Variants in IGF1 observed in about 807,000 individuals in gnomAD.
The protein encoded by IGF1 is insulin-like growth factor 1.
IGF1 carries 4 observed loss-of-function variants against 13.8 expected under a neutral mutation model. That is an observed-to-expected ratio of 0.29 (90% CI 0.14 to 0.66). IGF1 has a LOEUF of 0.66. IGF1 is among the 30% of genes least tolerant of loss of function. The pLI is 0.78. For synonymous variants in IGF1, 76 were observed against 72.6 expected (o/e 1.05, Z -0.23); for missense variants, 124 against 188.5 (o/e 0.66, Z 2.00).
intron 2 of IGF1, among the ~76,000 whole-genome samples, chr12:102,471,786 C>A (rs1348872793): frequency 6.6e-6 from 1 of 151,950 alleles, no homozygotes; most frequent in Non-Finnish European, 1.5e-5. Flanking sequence ...CCCAGAAACT[C>A]TCTTTCTTTC....
At chr12:102,420,837 C>T (rs1036861349) in intron 2 of IGF1, among the ~76,000 whole-genome samples, 4 of 152,142 alleles carry the variant, frequency 2.6e-5, no homozygotes, top group African/African-American at 9.7e-5. Context: ...TTATAAATCA[C>T]GGGCACAGAA....
intron 2 of IGF1, among the ~76,000 whole-genome samples, chr12:102,447,982 G>A (rs943799548): frequency 7.9e-5 from 12 of 152,060 alleles, no homozygotes; most frequent in African/African-American, 2.9e-4. Context: ...AGAGTGAACA[G>A]GCAACCTACA....
chr12:102,459,626 AC>A (rs1231093272), intron 2 of IGF1, among the ~76,000 whole-genome samples: 1 of 152,140 alleles, frequency 6.6e-6, no homozygotes, highest in Non-Finnish European at 1.5e-5. Context: ...TTGGCTGGGA[AC>A]CTGGCCTTTC....
intron 3 of IGF1, among the ~76,000 whole-genome samples, chr12:102,409,210 A>G (rs1227187841): frequency 2.6e-5 from 4 of 152,206 alleles, no homozygotes; most frequent in Non-Finnish European, 5.9e-5. Context: ...TACTGTTTAG[A>G]AAAACCTTGA....
intron 3 of IGF1, among the ~76,000 whole-genome samples, chr12:102,412,390 GCA>G (rs545047218): frequency 1.3e-5 from 2 of 151,480 alleles, no homozygotes; most frequent in Non-Finnish European, 2.9e-5. Flanking sequence ...ACACAAAGGT[GCA>G]CACACACACA....
intron 2 of IGF1, among the ~76,000 whole-genome samples, chr12:102,436,127 A>G (rs1001886638): frequency 1.3e-5 from 2 of 152,200 alleles, no homozygotes; most frequent in African/African-American, 4.8e-5. Flanking sequence ...ACAGAAGGAA[A>G]AAATATTATA....
chr12:102,478,026 G>A (rs1369041473), intron 1 of IGF1, among the ~76,000 whole-genome samples: 2 of 111,088 alleles, frequency 1.8e-5, no homozygotes, highest in Non-Finnish European at 3.6e-5. Context: ...GAGTTATATT[G>A]TCAGATAAAT....
intron 3 of IGF1, among the ~76,000 whole-genome samples, chr12:102,404,522 A>C (rs2057733177): frequency 1.3e-5 from 2 of 152,294 alleles, no homozygotes; most frequent in South Asian, 4.1e-4. Context: ...GACTGAGTAG[A>C]AGGAAGATGG....
upstream of IGF1, among the ~76,000 whole-genome samples, chr12:102,481,118 G>A (rs902303545): frequency 1.3e-5 from 2 of 152,104 alleles, no homozygotes; most frequent in African/African-American, 4.8e-5. Context: ...ACCTATGGAG[G>A]GGCAGGCAGC....
At chr12:102,420,438 G>A (rs540847675) in intron 2 of IGF1, among the ~76,000 whole-genome samples, 1 of 152,286 alleles carries the variant, frequency 6.6e-6, no homozygotes, top group South Asian at 2.1e-4. Flanking sequence ...ATGAAATCAA[G>A]TATGAATAAT....
intron 2 of IGF1, among the ~76,000 whole-genome samples, 164 bp from the exon 3 acceptor site, chr12:102,419,854 C>T (rs2072592): frequency 0.032 from 4,878 of 152,264 alleles, 299 homozygotes; most frequent in East Asian, 0.27. Flanking sequence ...ACGTATCTTT[C>T]TGAATGCCAG....
rs370820999 is a variant in IGF1 at position 102,407,284 on chromosome 12, G to A, written c.403-4718C>T. Among the ~76,000 whole-genome samples, 209 of 152,250 alleles carry A rather than the reference G, an allele frequency of 1.4e-3. 1 individual carries two copies. Among genetic ancestry groups the A allele is most frequent in the African/African-American group, 4.8e-3 (200 of 41,530 alleles). On this transcript the variant is annotated intron_variant, in intron 3 of 3. Coordinates refer to ENST00000337514, the MANE Select transcript of IGF1 (RefSeq NM_000618.5). ...TTCCTGTCAGTCCCACGTACAAGCT[G>A]AAGCTCGCTAACATTTAGTAATGTG...
intron 2 of IGF1, among the ~76,000 whole-genome samples, chr12:102,443,017 G>A (rs573703467): frequency 6.6e-6 from 1 of 152,056 alleles, no homozygotes; most frequent in East Asian, 1.9e-4. Context: ...GATGCTAATA[G>A]GACTGGCATC....
chr12:102,427,895 C>T (rs1217346946), intron 2 of IGF1, among the ~76,000 whole-genome samples: 1 of 152,018 alleles, frequency 6.6e-6, no homozygotes, highest in East Asian at 1.9e-4. Context: ...CTGCATGGTG[C>T]AGACTTGAGT....
intron 3 of IGF1, among the ~76,000 whole-genome samples, chr12:102,403,754 G>A (rs1026432248): frequency 2.0e-5 from 3 of 148,526 alleles, no homozygotes; most frequent in Non-Finnish European, 3.0e-5. Flanking sequence ...TTCCAGGCAT[G>A]AGCCACTGCA....
chr12:102,458,497 A>G (rs979680634), intron 2 of IGF1, among the ~76,000 whole-genome samples: 1 of 152,140 alleles, frequency 6.6e-6, no homozygotes, highest in African/African-American at 2.4e-5. Context: ...CGAAAAGTCC[A>G]TGGAGGCCTT....
At chr12:102,450,831 A>T (rs1022479669) in intron 2 of IGF1, among the ~76,000 whole-genome samples, 1 of 152,236 alleles carries the variant, frequency 6.6e-6, no homozygotes, top group Non-Finnish European at 1.5e-5. Context: ...TTTCAGAGGA[A>T]GGATCTTGGG....
intron 3 of IGF1, among the ~76,000 whole-genome samples, chr12:102,403,527 G>A (rs1873857272): frequency 6.6e-6 from 1 of 151,204 alleles, no homozygotes; most frequent in Admixed American, 6.6e-5. Flanking sequence ...TGCCATCTCA[G>A]GTCACTGCAA....
At chr12:102,465,463 A>G (rs979966392) in intron 2 of IGF1, among the ~76,000 whole-genome samples, 5 of 152,350 alleles carry the variant, frequency 3.3e-5, no homozygotes, top group African/African-American at 1.2e-4. Flanking sequence ...GGTCAGGCCC[A>G]AATGGGGAAC....
Sources: gnomAD v4.1 joint callset for allele counts (sites outside exome capture counted in the v4.1 genomes callset) on GRCh38, gnomAD v4.1.1 for gene constraint, MANE v1.5 for transcripts, NCBI Gene and HGNC (gene_info 2026-07-23, HGNC 2026-07-21) for gene names.